The following TOPBP1 variants were observed in gnomAD, a reference collection of about 807,000 sequenced individuals.
The protein encoded by TOPBP1 is DNA topoisomerase II binding protein 1, also known as DNA topoisomerase 2-binding protein 1.
TOPBP1 carries 28 observed loss-of-function variants against 167.7 expected under a neutral mutation model. The observed-to-expected ratio is 0.17, with a 90% CI of 0.12 to 0.23. The LOEUF is 0.23. Among genes scored for constraint, TOPBP1 ranks in the 10% least tolerant of loss-of-function variants. The pLI is 1.00. For synonymous variants in TOPBP1, 598 were observed against 611.4 expected, an observed-to-expected ratio of 0.98 and a Z score of 0.32; for missense variants, 1,554 against 1,809.6, an observed-to-expected ratio of 0.86 and a Z score of 2.56.
intron 23 of TOPBP1, among the ~76,000 whole-genome samples, chr3:133,613,740 G>T (rs867970219): frequency 2.3e-4 from 35 of 152,078 alleles, no homozygotes; most frequent in Non-Finnish European, 2.2e-4. Flanking sequence ...ATAGCTTAGA[G>T]GTTAACTTGA....
intron 27 of TOPBP1, among the ~76,000 whole-genome samples, chr3:133,602,892 A>T (rs796921635): frequency 2.1e-3 from 256 of 121,382 alleles, no homozygotes; most frequent in African/African-American, 6.3e-3. Context: ...ACCTTTTTTC[A>T]TTTTTTTTTT....
rs1266170269 is a variant in TOPBP1, at chr3:133,640,123, A to C, written c.2069T>G (p.Phe690Cys). ...TTTCAGTATAAGATGAGTACTGGCA[A>C]ACATGCCTTTCTTTGCATTGGATTT... ...VRKSNAKKGM[F>C]ASTHLILKER... The change falls in exon 13 of 28, where the codon TTT (phenylalanine) becomes TGT (cysteine). Residue 690 changes from phenylalanine (F) to cysteine (C), a missense_variant. By Grantham distance (205) the Phe-to-Cys change is radical (BLOSUM62 -2). This residue lies in a region of TOPBP1 where 1,197 missense variants were observed against 1,351.5 expected (regional missense o/e 0.89). Transcript: ENST00000260810. 1.2e-6 allele frequency: 2 copies of C among 1,613,848 alleles called. No homozygotes were observed. The highest frequency in any genetic ancestry group is 3.3e-5 in the Admixed American group (2 of 59,952).
At chr3:133,608,267 C>T (rs1934555091) in intron 27 of TOPBP1, among the ~76,000 whole-genome samples, 1 of 152,132 alleles carries the variant, frequency 6.6e-6, no homozygotes, top group African/African-American at 2.4e-5. Flanking sequence ...TATATTCCAA[C>T]ATTTTAAAGG....
At chr3:133,617,913 A>C (rs1460090588) in intron 21 of TOPBP1, among the ~76,000 whole-genome samples, 1 of 152,234 alleles carries the variant, frequency 6.6e-6, no homozygotes, top group Non-Finnish European at 1.5e-5. Context: ...ACCAAGCATT[A>C]ACTCCACAAA....
chr3:133,654,502 T>C (rs1936411507), intron 6 of TOPBP1, among the ~76,000 whole-genome samples: 1 of 152,214 alleles, frequency 6.6e-6, no homozygotes, highest in Non-Finnish European at 1.5e-5. Flanking sequence ...CTCACAGTGA[T>C]CCTATCACAA....
chr3:133,641,643 C>G (rs1027980601), intron 12 of TOPBP1, among the ~76,000 whole-genome samples: 2 of 152,196 alleles, frequency 1.3e-5, no homozygotes, highest in African/African-American at 4.8e-5. Context: ...CATGAACCAC[C>G]AGACCTGGCC....
intron 4 of TOPBP1, 146 bp downstream of exon 4, chr3:133,657,652 T>C: frequency 2.0e-6 from 1 of 504,830 alleles, no homozygotes; most frequent in African/African-American, 2.0e-5. Context: ...TGTATACATA[T>C]ATACACACTG....
At chr3:133,634,996 A>C (rs1474971325) in intron 14 of TOPBP1, among the ~76,000 whole-genome samples, 1 of 152,248 alleles carries the variant, frequency 6.6e-6, no homozygotes, top group African/African-American at 2.4e-5. Flanking sequence ...AAGAGAGAAA[A>C]GGGGGAAAGA....
chr3:133,657,752 G>A, intron 4 of TOPBP1, 46 bp downstream of exon 4: 1 of 1,407,546 alleles, frequency 7.1e-7, no homozygotes, highest in Non-Finnish European at 9.4e-7. Context: ...TTAAGAATAA[G>A]AGATAGATAT....
At position 133,628,710 on chromosome 3, in the gene TOPBP1, A is replaced by G. The variant is rs768472824; in HGVS notation, c.2544T>C (p.Thr848=). ...TTTTCTGTTGGCTGGGACGTCCTGG[A>G]GTTTCCAAGGCTGCAAGTGCATCCT... ...DVKDALAALE[T]PGRPSQQKRK... Residue 848 remains threonine (T), a synonymous_variant, in exon 15 of 28, where the codon ACT becomes ACC. Coordinates refer to ENST00000260810, the MANE Select transcript of TOPBP1 (RefSeq NM_007027.4). The G allele has an allele frequency of 5.8e-6, 9 of 1,553,290 alleles. No homozygotes were observed. The highest frequency in any genetic ancestry group is 7.8e-6 in the Non-Finnish European group (9 of 1,147,650).
In TOPBP1 at chr3:133,609,113, G is replaced by C. The variant is rs547511836; in HGVS notation, c.4174-151C>G. Among the ~76,000 whole-genome samples the C allele has an allele frequency of 8.7e-4, 133 of 152,280 alleles. 3 individuals carry two copies. The South Asian group carries it at 0.027, about 30-fold the overall frequency. On this transcript the variant is annotated intron_variant, in intron 25 of 27. Coordinates refer to ENST00000260810, the MANE Select transcript of TOPBP1 (RefSeq NM_007027.4). ...TATAATTATCTCTGGCCAGAACACT[G>C]AAACGTGAATCCATGGTATCTGGCA...
intron 16 of TOPBP1, 113 bp from the exon 17 acceptor site, chr3:133,624,288 T>A: frequency 8.3e-7 from 1 of 1,211,694 alleles, no homozygotes; most frequent in Non-Finnish European, 1.2e-6. Context: ...ACTTTCGGAC[T>A]AGAGTAAACA....
intron 12 of TOPBP1, among the ~76,000 whole-genome samples, chr3:133,641,304 T>C (rs553947309): frequency 1.3e-5 from 2 of 152,254 alleles, no homozygotes; most frequent in East Asian, 3.8e-4. Context: ...TGCTGTCCAT[T>C]AATTAAACTT....
chr3:133,638,171 T>A lies in TOPBP1; in HGVS notation c.2234-9A>T. On this transcript the variant is annotated splice_polypyrimidine_tract_variant and intron_variant, in intron 13 of 27. Coordinates refer to ENST00000260810, the MANE Select transcript of TOPBP1 (RefSeq NM_007027.4). ...TGTTTCCAAACTTCGTTCTAGAGAT[T>A]TAAAATGAAAAGAAACAAATATGAG... 1.2e-6 allele frequency: 2 copies of A among 1,609,982 alleles called. No individual in the cohort carries two copies. Among genetic ancestry groups the A allele is most frequent in the Non-Finnish European group, 8.5e-7 (1 of 1,177,058 alleles).
At position 133,659,760 on chromosome 3, in the gene TOPBP1, A is replaced by ATT. The variant is rs1476888292; in HGVS notation, c.85-612_85-611dup. Among the ~76,000 whole-genome samples the ATT allele has an allele frequency of 4.3e-3, 464 of 108,322 alleles. 1 individual carries two copies. Among genetic ancestry groups the ATT allele is most frequent in the African/African-American group, 0.012 (410 of 33,714 alleles). 71.1% of individuals were successfully genotyped at this position (108,322 alleles called of 152,430 possible). On this transcript the variant is annotated intron_variant, in intron 2 of 27. Coordinates refer to ENST00000260810, the MANE Select transcript of TOPBP1 (RefSeq NM_007027.4). ...TAGTCTATTCTATTTAAAAATACGTATTTATATATATATATATAGTTTTTG... is the reference window on the plus strand; with the variant it reads ...TAGTCTATTCTATTTAAAAATACGTATTTTTATATATATATATATAGTTTTTG...
At chr3:133,655,044 TA>T (rs897200634) in intron 6 of TOPBP1, among the ~76,000 whole-genome samples, 5 of 146,978 alleles carry the variant, frequency 3.4e-5, no homozygotes, top group African/African-American at 1.2e-4. Context: ...CCGTCTCTAC[TA>T]AAAATAAAAA....
intron 16 of TOPBP1, among the ~76,000 whole-genome samples, chr3:133,625,751 G>T (rs1265823887): frequency 6.6e-6 from 1 of 151,128 alleles, no homozygotes; most frequent in African/African-American, 2.4e-5. Flanking sequence ...AAAGAATTAA[G>T]AAAAAGAAGT....
chr3:133,627,412 T>C (rs1228650317), intron 16 of TOPBP1, among the ~76,000 whole-genome samples: 2 of 152,116 alleles, frequency 1.3e-5, no homozygotes, highest in Non-Finnish European at 2.9e-5. Context: ...ACATAATAGG[T>C]AATTAGATAA....
At chr3:133,647,118 T>C (rs534376203) in intron 10 of TOPBP1, among the ~76,000 whole-genome samples, 1 of 152,210 alleles carries the variant, frequency 6.6e-6, no homozygotes, top group East Asian at 1.9e-4. Flanking sequence ...ATATCTTTAG[T>C]AAACAGACCA....
Sources: gnomAD v4.1 joint callset for allele counts (sites outside exome capture counted in the v4.1 genomes callset) on GRCh38, gnomAD v4.1.1 for gene constraint, gnomAD v4.1.1 regional missense constraint, MANE v1.5 for transcripts, NCBI Gene and HGNC (gene_info 2026-07-23, HGNC 2026-07-21) for gene names.